The following CAMK2A variants were observed in gnomAD, a reference collection of about 807,000 sequenced individuals.
CAMK2A encodes calcium/calmodulin-dependent protein kinase type II subunit alpha.
A neutral mutation model predicts 79.2 loss-of-function variants in CAMK2A; 7 were observed. The ratio of observed to expected loss-of-function variants is 0.09; its 90% CI spans 0.05 to 0.17. The LOEUF is 0.17. Ranked by LOEUF, CAMK2A falls within the 10% of genes least tolerant of loss-of-function variation. The pLI, the probability that CAMK2A is intolerant of heterozygous loss-of-function variation, is 1.00. For missense variants in CAMK2A, 214 were observed against 646.4 expected, an observed-to-expected ratio of 0.33 and a Z score of 7.25; for synonymous variants, 242 against 251.7, an observed-to-expected ratio of 0.96 and a Z score of 0.36.
intron 13 of CAMK2A, among the ~76,000 whole-genome samples, chr5:150,241,335 C>G (rs1386076299): frequency 6.7e-6 from 1 of 150,340 alleles, no homozygotes; most frequent in Non-Finnish European, 1.5e-5. Flanking sequence ...CCTCCCTCCT[C>G]TCCTTCCTCT....
At chr5:150,255,794 A>G (rs880100) in intron 6 of CAMK2A, among the ~76,000 whole-genome samples, 18,113 of 152,288 alleles carry the variant, frequency 0.12, 3,570 homozygotes, top group African/African-American at 0.41. Flanking sequence ...TCACAGGATC[A>G]GGGGTTAGAA....
At chr5:150,263,436 ACATTCACACACTCACACACGTG>A (rs1756377090) in intron 3 of CAMK2A, among the ~76,000 whole-genome samples, 1 of 151,816 alleles carries the variant, frequency 6.6e-6, no homozygotes, top group Admixed American at 6.6e-5. Flanking sequence ...ATTCACACAC[ACATTCACACACTCACACACGTG>A]CATTCACACA....
intron 2 of CAMK2A, among the ~76,000 whole-genome samples, chr5:150,267,276 C>T (rs1037823853): frequency 3.3e-5 from 5 of 152,186 alleles, no homozygotes; most frequent in African/African-American, 1.2e-4. Context: ...TACCCTACCC[C>T]CCATCCCACC....
intron 12 of CAMK2A, among the ~76,000 whole-genome samples, chr5:150,245,581 G>A (rs935029392): frequency 1.3e-5 from 2 of 152,180 alleles, no homozygotes; most frequent in Non-Finnish European, 2.9e-5. Context: ...CCCCAGGCTG[G>A]ACACGCCCTC....
intron 2 of CAMK2A, among the ~76,000 whole-genome samples, chr5:150,267,687 ACATGTAGGGAC>A (rs1190077523): frequency 2.0e-5 from 3 of 152,054 alleles, no homozygotes; most frequent in African/African-American, 7.2e-5. Flanking sequence ...GAACCTTAAG[ACATGTAGGGAC>A]CATGTTTCTT....
intron 12 of CAMK2A, 24 bp downstream of exon 12, chr5:150,247,748 G>A (rs1325990915): frequency 2.5e-6 from 4 of 1,601,414 alleles, no homozygotes; most frequent in South Asian, 1.1e-5. Flanking sequence ...GGCTTACTGG[G>A]GACCCTGAGG....
chr5:150,263,491 TCACA>T (rs112491154), intron 3 of CAMK2A, among the ~76,000 whole-genome samples: 5,349 of 145,298 alleles, frequency 0.037, 297 homozygotes, highest in African/African-American at 0.13. Flanking sequence ...TCACATACAC[TCACA>T]CACTCACATA....
chr5:150,261,654 C>G (rs1756310783), intron 3 of CAMK2A, among the ~76,000 whole-genome samples: 1 of 152,194 alleles, frequency 6.6e-6, no homozygotes, highest in African/African-American at 2.4e-5. Context: ...GCATGTCCCC[C>G]TGACACCATA....
At chr5:150,289,532 T>C in intron 1 of CAMK2A, 32 bp downstream of exon 1, 1 of 1,584,606 alleles carries the variant, frequency 6.3e-7, no homozygotes, top group Non-Finnish European at 8.7e-7. Context: ...CCGCCCCCCA[T>C]GCCTTCCAGG....
intron 6 of CAMK2A, among the ~76,000 whole-genome samples, chr5:150,253,832 G>T (rs957843423): frequency 1.3e-5 from 2 of 151,164 alleles, no homozygotes; most frequent in African/African-American, 2.5e-5. Context: ...GGTGAGAGCG[G>T]GGTGGTACAT....
intron 1 of CAMK2A, among the ~76,000 whole-genome samples, chr5:150,286,071 A>G (rs569595081): frequency 2.0e-5 from 3 of 152,236 alleles, no homozygotes; most frequent in Admixed American, 1.3e-4. Context: ...TGACCACTTC[A>G]GTCCACACTG....
At chr5:150,280,435 C>A (rs187361375) in intron 1 of CAMK2A, among the ~76,000 whole-genome samples, 1 of 152,280 alleles carries the variant, frequency 6.6e-6, no homozygotes, top group East Asian at 1.9e-4. Flanking sequence ...ACAAAACAAC[C>A]GAGAACCTTT....
chr5:150,227,419 C>T (rs1754652971), intron 17 of CAMK2A, among the ~76,000 whole-genome samples: 1 of 152,044 alleles, frequency 6.6e-6, no homozygotes, highest in Non-Finnish European at 1.5e-5. Context: ...ACTGTGTAGC[C>T]TCAGTGGTAC....
In CAMK2A at chr5:150,244,980, C is replaced by T. The variant is rs182040817; in HGVS notation, c.984+181G>A. On this transcript the variant is annotated intron_variant, in intron 13 of 18. Coordinates refer to ENST00000671881, the MANE Select transcript of CAMK2A (RefSeq NM_015981.4). ...CCCATCTGCCCCCCAACAGTCACGG[C>T]GCAACGGTGGGCACCAAAGCCTAGG... Among the ~76,000 whole-genome samples, 71 of 152,112 alleles carry T rather than the reference C, an allele frequency of 4.7e-4. 1 individual carries two copies. Among genetic ancestry groups the T allele is most frequent in the Admixed American group, 3.9e-3 (60 of 15,298 alleles).
At chr5:150,283,776 C>T (rs924483486) in intron 1 of CAMK2A, among the ~76,000 whole-genome samples, 1 of 152,198 alleles carries the variant, frequency 6.6e-6, no homozygotes, top group African/African-American at 2.4e-5. Flanking sequence ...TTAAGTCTTG[C>T]ATGTGGTGCA....
intron 17 of CAMK2A, among the ~76,000 whole-genome samples, chr5:150,227,913 G>T (rs41287122): frequency 0.01 from 1,558 of 152,234 alleles, 10 homozygotes; most frequent in Non-Finnish European, 0.018. Context: ...CCCTCCCAGG[G>T]TCATGGGCAG....
At chr5:150,265,041 C>T (rs751890739) in intron 2 of CAMK2A, 26 bp from the exon 3 acceptor site, 3 of 1,571,048 alleles carry the variant, frequency 1.9e-6, no homozygotes, top group Non-Finnish European at 1.8e-6. Context: ...TCATGTGAGT[C>T]CCCGGTGAGG....
intron 17 of CAMK2A, 49 bp downstream of exon 17, chr5:150,228,143 A>G (rs1299693084): frequency 2.0e-6 from 3 of 1,478,450 alleles, no homozygotes; most frequent in South Asian, 2.3e-5. Context: ...CCAGCAGGAC[A>G]TGGAACGAGA....
At chr5:150,269,403 T>C (rs1237558741) in intron 2 of CAMK2A, among the ~76,000 whole-genome samples, 1 of 150,890 alleles carries the variant, frequency 6.6e-6, no homozygotes, top group East Asian at 2.0e-4. Flanking sequence ...ATCACACAAA[T>C]GGGCAGGACT....
Sources: gnomAD v4.1 joint callset for allele counts (sites outside exome capture counted in the v4.1 genomes callset) on GRCh38, gnomAD v4.1.1 for gene constraint, MANE v1.5 for transcripts, NCBI Gene and HGNC (gene_info 2026-07-23, HGNC 2026-07-21) for gene names.